OSBPL9: variants seen among roughly 807,000 people sequenced by gnomAD.
The protein encoded by OSBPL9 is oxysterol binding protein like 9, also known as oxysterol-binding protein-related protein 9.
A neutral mutation model predicts 106.6 loss-of-function variants in OSBPL9; 40 were observed. The observed-to-expected ratio is 0.38, with a 90% CI of 0.29 to 0.49. OSBPL9 has a LOEUF of 0.49. Among genes scored for constraint, OSBPL9 ranks in the 20% least tolerant of loss-of-function variants. The pLI, the probability that OSBPL9 is intolerant of heterozygous loss-of-function variation, is 0.97. For missense variants in OSBPL9, 609 were observed against 887.2 expected (o/e 0.69, Z 3.98); for synonymous variants, 269 against 295.4 (o/e 0.91, Z 0.92).
chr1:51,685,747 A>C (rs1226308425), intron 3 of OSBPL9, among the ~76,000 whole-genome samples: 2 of 152,284 alleles, frequency 1.3e-5, no homozygotes, highest in East Asian at 3.9e-4. Context: ...AACCTCTTAC[A>C]AAAGACCTCT....
At chr1:51,656,821 G>C (rs1477435255) in intron 2 of OSBPL9, among the ~76,000 whole-genome samples, 3 of 150,410 alleles carry the variant, frequency 2.0e-5, no homozygotes, top group African/African-American at 7.4e-5. Context: ...CACCACACCT[G>C]GCTAATTAAA....
In OSBPL9 at chr1:51,748,306, A is replaced by G; in HGVS notation, c.463-63A>G. ...AAAATTCTTTAAATGACTAGCCAGT[A>G]AAAAATAACCGTCCTTCTTTGTGCT... On this transcript the variant is annotated intron_variant, in intron 6 of 23. Coordinates refer to ENST00000428468, the MANE Select transcript of OSBPL9 (RefSeq NM_024586.6). The G allele has an allele frequency of 3.4e-6, 5 of 1,488,386 alleles. No individual in the cohort carries two copies. The Middle Eastern group carries it at 7.0e-4, about 209-fold the overall frequency. 92.2% of individuals were successfully genotyped at this position (1,488,386 alleles called of 1,614,324 possible). A position where few individuals can be genotyped will look rare whatever the true frequency, so the allele number is the denominator to read the frequency against.
intron 3 of OSBPL9, among the ~76,000 whole-genome samples, chr1:51,702,335 C>G (rs1264585114): frequency 7.2e-5 from 11 of 152,136 alleles, no homozygotes; most frequent in Non-Finnish European, 1.5e-5. Context: ...TTAATGATCG[C>G]CATTCTAACT....
chr1:51,777,094 C>T (rs572118090), intron 15 of OSBPL9, among the ~76,000 whole-genome samples, 176 bp downstream of exon 15: 3 of 152,118 alleles, frequency 2.0e-5, no homozygotes, highest in South Asian at 2.1e-4. Context: ...TATATGGTGG[C>T]GATGTTAGGC....
chr1:51,687,054 C>T (rs1002834801), intron 3 of OSBPL9, among the ~76,000 whole-genome samples: 6 of 152,136 alleles, frequency 3.9e-5, no homozygotes, highest in Admixed American at 1.3e-4. Flanking sequence ...TAGCAGGGCT[C>T]GAAACACCTT....
chr1:51,677,742 G>A (rs895442167), intron 3 of OSBPL9, among the ~76,000 whole-genome samples: 1 of 151,936 alleles, frequency 6.6e-6, no homozygotes, highest in Non-Finnish European at 1.5e-5. Context: ...GTAGAGACGG[G>A]GTTTCACCAT....
the OSBPL9 span, among the ~76,000 whole-genome samples, chr1:51,528,631 G>A: frequency 1.1e-3 from 171 of 152,206 alleles, no homozygotes; most frequent in Admixed American, 3.5e-3. Context: ...CAGCACTTTG[G>A]GAGGTCAAGT....
intron 1 of OSBPL9, among the ~76,000 whole-genome samples, chr1:51,586,866 T>G (rs1645250460): frequency 6.6e-6 from 1 of 152,116 alleles, no homozygotes; most frequent in Non-Finnish European, 1.5e-5. Flanking sequence ...CTTGCCCTGA[T>G]CAGTCACCAC....
At chr1:51,777,871 G>A (rs1156409465) in intron 15 of OSBPL9, among the ~76,000 whole-genome samples, 2 of 152,168 alleles carry the variant, frequency 1.3e-5, no homozygotes, top group Admixed American at 1.3e-4. Context: ...ACTATTTACA[G>A]GCCAGTTGCA....
chr1:51,631,245 C>T (rs1204663510), intron 1 of OSBPL9, among the ~76,000 whole-genome samples: 1 of 152,068 alleles, frequency 6.6e-6, no homozygotes, highest in Admixed American at 6.6e-5. Flanking sequence ...AAAGATATCT[C>T]AAAAAGGCCA....
At chr1:51,537,459 A>G in the OSBPL9 span, among the ~76,000 whole-genome samples, 1 of 152,244 alleles carries the variant, frequency 6.6e-6, no homozygotes, top group Non-Finnish European at 1.5e-5. Flanking sequence ...TTTGGGCATC[A>G]GATGTGCTCA....
At chr1:51,692,420 G>A (rs1655148599) in intron 3 of OSBPL9, among the ~76,000 whole-genome samples, 1 of 152,138 alleles carries the variant, frequency 6.6e-6, no homozygotes, top group Admixed American at 6.5e-5. Context: ...AACCATACAT[G>A]TCTGTACATG....
At chr1:51,633,971 C>T (rs571863039) in intron 1 of OSBPL9, among the ~76,000 whole-genome samples, 1 of 152,258 alleles carries the variant, frequency 6.6e-6, no homozygotes, top group African/African-American at 2.4e-5. Flanking sequence ...TTTTCCTGAG[C>T]CCCAACCTCC....
At chr1:51,780,799 T>G (rs917031251) in intron 15 of OSBPL9, among the ~76,000 whole-genome samples, 2 of 151,002 alleles carry the variant, frequency 1.3e-5, no homozygotes, top group Non-Finnish European at 1.5e-5. Flanking sequence ...CTTTGGGGCT[T>G]CAAGGGGAAG....
At chr1:51,606,909 G>A (rs2148605074) in intron 2 of OSBPL9, among the ~76,000 whole-genome samples, 1 of 152,048 alleles carries the variant, frequency 6.6e-6, no homozygotes, top group Admixed American at 6.5e-5. Flanking sequence ...AATTAGCCGG[G>A]CATGGTGGCG....
At chr1:51,675,908 T>C (rs1171759183) in intron 3 of OSBPL9, among the ~76,000 whole-genome samples, 1 of 152,194 alleles carries the variant, frequency 6.6e-6, no homozygotes, top group East Asian at 1.9e-4. Flanking sequence ...GAGTTTTAAC[T>C]GAATAGTGCC....
the OSBPL9 span, among the ~76,000 whole-genome samples, chr1:51,557,018 T>C: frequency 6.6e-6 from 1 of 151,968 alleles, no homozygotes. Context: ...GATACCCCAT[T>C]TACCCTGATG....
chr1:51,585,987 A>G (rs1645245621), intron 1 of OSBPL9, among the ~76,000 whole-genome samples: 1 of 152,002 alleles, frequency 6.6e-6, no homozygotes, highest in African/African-American at 2.4e-5. Context: ...AGCCTGGCCA[A>G]CGTAGCAAAA....
chr1:51,530,971 T>G, the OSBPL9 span, among the ~76,000 whole-genome samples: 2 of 149,832 alleles, frequency 1.3e-5, no homozygotes, highest in Non-Finnish European at 3.0e-5. Flanking sequence ...GAGACTTTGT[T>G]GTAAAAAAAG....
Sources: allele counts gnomAD v4.1 joint callset (sites outside exome capture counted in the v4.1 genomes callset), GRCh38; gene constraint gnomAD v4.1.1; transcripts MANE v1.5; gene names NCBI Gene and HGNC (gene_info 2026-07-23, HGNC 2026-07-21).